Variants in TNS3 observed in about 807,000 individuals in gnomAD.
TNS3 encodes the protein tensin 3.
Under a neutral mutation model 140.9 loss-of-function variants are expected in TNS3, and 45 were observed. That is an observed-to-expected ratio of 0.32 (90% CI 0.25 to 0.41). The LOEUF (loss-of-function observed/expected upper bound fraction) is 0.41. Ranked by LOEUF, TNS3 falls within the 10% of genes least tolerant of loss-of-function variation. The pLI is 1.00. For synonymous variants in TNS3, 815 were observed against 788.4 expected (o/e 1.03, Z -0.56); for missense variants, 1,716 against 1,906.7 (o/e 0.90, Z 1.86).
chr7:47,280,129 C>T, intron 30 of TNS3, 35 bp downstream of exon 30: 2 of 1,613,584 alleles, frequency 1.2e-6, no homozygotes, highest in Non-Finnish European at 8.5e-7. Flanking sequence ...CAACTGCAGA[C>T]AAGGAGAGAA....
In TNS3 at chr7:47,340,585, C is replaced by CTTTTTTTTTTTTTTT. The variant is rs774726583; in HGVS notation, c.2650+4169_2650+4170insAAAAAAAAAAAAAAA. The stretch of plus-strand genomic sequence containing the variant: ...TGTTCCCTGGGATTTTCTTTTTTTT[C>CTTTTTTTTTTTTTTT]TTTTTTTTTTTTTTGAGACAGAGTC... On this transcript the variant is annotated intron_variant, in intron 20 of 30. Transcript: ENST00000311160. Among the ~76,000 whole-genome samples the CTTTTTTTTTTTTTTT allele has an allele frequency of 9.7e-4, 131 of 134,826 alleles. 6 individuals carry two copies. Among genetic ancestry groups the CTTTTTTTTTTTTTTT allele is most frequent in the African/African-American group, 3.4e-3 (122 of 36,158 alleles). 88.5% of individuals were successfully genotyped at this position (134,826 alleles called of 152,430 possible).
chr7:47,297,522 G>A (rs895243652), intron 23 of TNS3, among the ~76,000 whole-genome samples: 2 of 152,156 alleles, frequency 1.3e-5, no homozygotes, highest in African/African-American at 4.8e-5. Context: ...GCTGCCCATG[G>A]AAGAACACAG....
intron 27 of TNS3, among the ~76,000 whole-genome samples, chr7:47,290,459 G>T (rs984055922): frequency 6.6e-6 from 1 of 152,148 alleles, no homozygotes; most frequent in Non-Finnish European, 1.5e-5. Flanking sequence ...ATCAGGTAAA[G>T]GACTAGTGTC....
chr7:47,446,223 T>C (rs1795721613), intron 4 of TNS3, among the ~76,000 whole-genome samples: 1 of 152,020 alleles, frequency 6.6e-6, no homozygotes, highest in Middle Eastern at 3.2e-3. Context: ...GCCATTCTCC[T>C]GCCTCAGCCT....
chr7:47,280,108 A>G (rs1413272925), intron 30 of TNS3, 56 bp downstream of exon 30: 1 of 1,604,366 alleles, frequency 6.2e-7, no homozygotes, highest in African/African-American at 1.3e-5. Context: ...AGAGAATTCA[A>G]CTTTGGAGTA....
intron 4 of TNS3, chr7:47,470,731 T>A (rs1796915596): frequency 1.2e-6 from 1 of 840,766 alleles, no homozygotes; most frequent in Non-Finnish European, 1.4e-6. Flanking sequence ...CCGGAGTGGG[T>A]TTTTAATCAT....
intron 16 of TNS3, among the ~76,000 whole-genome samples, chr7:47,395,739 C>T (rs905327624): frequency 3.3e-5 from 5 of 152,206 alleles, no homozygotes; most frequent in African/African-American, 1.2e-4. Context: ...TGCCCACTAG[C>T]CCCAGATATC....
At chr7:47,558,251 G>C (rs186255302) in intron 1 of TNS3, among the ~76,000 whole-genome samples, 1 of 152,178 alleles carries the variant, frequency 6.6e-6, no homozygotes, top group Non-Finnish European at 1.5e-5. Context: ...ACAGCAAGCC[G>C]GTGCCGAGGA....
At chr7:47,578,686 T>C (rs1048832106) in intron 1 of TNS3, among the ~76,000 whole-genome samples, 2 of 152,164 alleles carry the variant, frequency 1.3e-5, no homozygotes, top group South Asian at 2.1e-4. Flanking sequence ...CAGCACTACA[T>C]CCCACATTGC....
intron 16 of TNS3, among the ~76,000 whole-genome samples, chr7:47,373,928 G>A (rs1791222317): frequency 6.6e-6 from 1 of 152,164 alleles, no homozygotes; most frequent in Admixed American, 6.5e-5. Context: ...GGATCTGAAG[G>A]TAGAAGAGCC....
At chr7:47,389,097 A>C (rs112310576) in intron 16 of TNS3, among the ~76,000 whole-genome samples, 694 of 55,270 alleles carry the variant, frequency 0.013, 62 homozygotes, top group African/African-American at 0.034. Flanking sequence ...GAAGAGGAAG[A>C]GGAAGCGGAA....
intron 16 of TNS3, among the ~76,000 whole-genome samples, chr7:47,383,705 G>A (rs1326704473): frequency 6.6e-6 from 1 of 152,172 alleles, no homozygotes; most frequent in African/African-American, 2.4e-5. Flanking sequence ...GGCAGGCTCT[G>A]ACCCCAGGTA....
At chr7:47,453,156 G>C in intron 4 of TNS3, 1 of 985,658 alleles carries the variant, frequency 1.0e-6, no homozygotes, top group Non-Finnish European at 1.2e-6. Context: ...CAGCTGGCAG[G>C]TGTGCCCGGC....
At chr7:47,529,786 TATG>T (rs962371603) in intron 1 of TNS3, among the ~76,000 whole-genome samples, 1 of 152,260 alleles carries the variant, frequency 6.6e-6, no homozygotes, top group Non-Finnish European at 1.5e-5. Flanking sequence ...CTCTCAGCTA[TATG>T]ATAACCTTAT....
At chr7:47,450,750 A>G (rs1370635969) in intron 4 of TNS3, among the ~76,000 whole-genome samples, 1 of 152,234 alleles carries the variant, frequency 6.6e-6, no homozygotes, top group Non-Finnish European at 1.5e-5. Context: ...CCAGGGGCCA[A>G]TATGGGTGCA....
intron 4 of TNS3, among the ~76,000 whole-genome samples, chr7:47,466,996 G>A (rs556755347): frequency 3.9e-5 from 6 of 152,312 alleles, no homozygotes; most frequent in South Asian, 2.1e-4. Flanking sequence ...TGGTGATGAC[G>A]GTGGTAATGG....
At chr7:47,481,961 G>C (rs1176594272) in intron 3 of TNS3, among the ~76,000 whole-genome samples, 1 of 152,222 alleles carries the variant, frequency 6.6e-6, no homozygotes, top group Non-Finnish European at 1.5e-5. Flanking sequence ...GTCATGGTGA[G>C]AATTAAGAGA....
intron 3 of TNS3, among the ~76,000 whole-genome samples, chr7:47,500,621 C>T (rs866913630): frequency 2.6e-5 from 4 of 152,182 alleles, no homozygotes; most frequent in Non-Finnish European, 5.9e-5. Flanking sequence ...CTCATGACAT[C>T]CCTAAAAATC....
rs928689714 is a variant in TNS3, at chr7:47,436,588, T to TA, written c.201+674dup. Among the ~76,000 whole-genome samples the TA allele has an allele frequency of 1.1e-4, 17 of 152,204 alleles. No homozygotes were observed. The East Asian group carries it at 1.4e-3, about 12-fold the overall frequency. ...CGTTCTGCACCTGTATCCCAGAACT[T>TA]AAAGTAAAATTTGAAAAAATTTTAA... On this transcript the variant is annotated intron_variant, in intron 7 of 30. Coordinates refer to ENST00000311160, the MANE Select transcript of TNS3 (RefSeq NM_022748.12).
Sources: allele counts gnomAD v4.1 joint callset (sites outside exome capture counted in the v4.1 genomes callset), GRCh38; gene constraint gnomAD v4.1.1; transcripts MANE v1.5; gene names NCBI Gene and HGNC (gene_info 2026-07-23, HGNC 2026-07-21).